The following ADGRV1 variants were observed in gnomAD, a reference collection of about 807,000 sequenced individuals.
ADGRV1 encodes the protein adhesion G protein-coupled receptor V1.
In ADGRV1, 359 loss-of-function variants were observed where a neutral mutation model predicts 596.2. The observed-to-expected ratio is 0.60, with a 90% CI of 0.55 to 0.66. ADGRV1 has a LOEUF of 0.66. Ranked by LOEUF, ADGRV1 falls within the 30% of genes least tolerant of loss-of-function variation. The probability of loss-of-function intolerance (pLI) is 0.00; values close to 1 mark genes in which losing one functional copy is unlikely to be tolerated. For synonymous variants in ADGRV1, 2,681 were observed against 2,679.2 expected (o/e 1.00, Z -0.02); for missense variants, 7,274 against 7,575.6 (o/e 0.96, Z 1.48).
At chr5:91,109,861 G>T (rs1224854316) in intron 87 of ADGRV1, among the ~76,000 whole-genome samples, 1 of 152,174 alleles carries the variant, frequency 6.6e-6, no homozygotes, top group African/African-American at 2.4e-5. Context: ...CCAACAGAAG[G>T]GGGCAACAGT....
At chr5:90,985,185 A>G (rs1780387005) in intron 84 of ADGRV1, among the ~76,000 whole-genome samples, 159 bp from the exon 85 acceptor site, 1 of 152,226 alleles carries the variant, frequency 6.6e-6, no homozygotes, top group Non-Finnish European at 1.5e-5. Flanking sequence ...TGAAATTGTT[A>G]TGAAAGAATG....
rs754406248 is a variant in ADGRV1, at chr5:90,658,212, A to G, written c.4686A>G (p.Arg1562=). Reference sequence around the variant, plus strand: ...TTTCGGAAGAAAATACTACTGCAAGATTAACAATACAAAAAAGTGACAATG... The same window carrying G: ...TTTCGGAAGAAAATACTACTGCAAGGTTAACAATACAAAAAAGTGACAATG... ...ARISEENTTA[R]LTIQKSDNAN... The change falls in exon 21 of 90, where the codon AGA becomes AGG. Residue 1562 remains arginine (R), a synonymous_variant. Coordinates refer to ENST00000405460, the MANE Select transcript of ADGRV1 (RefSeq NM_032119.4). 2 of 1,562,868 alleles carry G rather than the reference A, an allele frequency of 1.3e-6. No homozygotes were observed. Among genetic ancestry groups the G allele is most frequent in the Non-Finnish European group, 1.7e-6 (2 of 1,154,098 alleles).
intron 60 of ADGRV1, among the ~76,000 whole-genome samples, chr5:90,775,800 G>A (rs1461926109): frequency 6.6e-6 from 1 of 152,076 alleles, no homozygotes; most frequent in Non-Finnish European, 1.5e-5. Context: ...CTGTCTGACT[G>A]TGACACTTGC....
In ADGRV1 at chr5:91,111,393, A is replaced by G. The variant is rs549206186; in HGVS notation, c.18432+9053A>G. On this transcript the variant is annotated intron_variant, in intron 87 of 89. Coordinates refer to ENST00000405460, the MANE Select transcript of ADGRV1 (RefSeq NM_032119.4). ...TTTTTGAGGTATCGTAAGAAATGGA[A>G]CGTATTTCTTTGCTCATAGAAAATA... Among the ~76,000 whole-genome samples the G allele has an allele frequency of 2.6e-5, 4 of 152,328 alleles. No individual in the cohort carries two copies. The East Asian group carries it at 7.7e-4, about 29-fold the overall frequency.
chr5:90,868,884 C>T (rs533186082), intron 83 of ADGRV1, among the ~76,000 whole-genome samples: 1 of 152,158 alleles, frequency 6.6e-6, no homozygotes, highest in South Asian at 2.1e-4. Context: ...AGTGACCATT[C>T]AACATTCAAT....
At chr5:90,958,136 T>C (rs1777645787) in intron 83 of ADGRV1, among the ~76,000 whole-genome samples, 1 of 150,750 alleles carries the variant, frequency 6.6e-6, no homozygotes. Context: ...ATAAAAAAAT[T>C]AGACAGGCCA....
At chr5:90,922,369 A>G (rs574919942) in intron 83 of ADGRV1, among the ~76,000 whole-genome samples, 12 of 152,330 alleles carry the variant, frequency 7.9e-5, no homozygotes, top group African/African-American at 1.9e-4. Flanking sequence ...GGGATAAACT[A>G]TATGACATGT....
chr5:90,862,091 G>A (rs1767645795), intron 82 of ADGRV1, among the ~76,000 whole-genome samples: 1 of 152,140 alleles, frequency 6.6e-6, no homozygotes, highest in South Asian at 2.1e-4. Context: ...ATATTTCTAA[G>A]CTGGTCAAAT....
At chr5:91,056,206 G>T (rs922268581) in intron 85 of ADGRV1, among the ~76,000 whole-genome samples, 12 of 152,186 alleles carry the variant, frequency 7.9e-5, no homozygotes, top group African/African-American at 2.9e-4. Flanking sequence ...AATGCCAGCT[G>T]CAGCGTTGCA....
intron 1 of ADGRV1, among the ~76,000 whole-genome samples, chr5:90,592,667 G>T (rs1324266384): frequency 6.6e-6 from 1 of 152,094 alleles, no homozygotes; most frequent in Non-Finnish European, 1.5e-5. Flanking sequence ...GGCAACCTAT[G>T]GAATGGGAGA....
chr5:90,852,657 T>C (rs1488536805), intron 79 of ADGRV1, among the ~76,000 whole-genome samples: 1 of 152,214 alleles, frequency 6.6e-6, no homozygotes, highest in Non-Finnish European at 1.5e-5. Context: ...CCAAGTAATT[T>C]CAATGCACAC....
At chr5:90,996,622 G>T (rs1181217391) in intron 85 of ADGRV1, among the ~76,000 whole-genome samples, 1 of 152,226 alleles carries the variant, frequency 6.6e-6, no homozygotes, top group East Asian at 1.9e-4. Flanking sequence ...ACACTGCCTA[G>T]TGGAGCTGTG....
At chr5:90,819,575 A>C (rs1264370056) in intron 75 of ADGRV1, among the ~76,000 whole-genome samples, 2 of 149,652 alleles carry the variant, frequency 1.3e-5, no homozygotes, top group African/African-American at 5.0e-5. Flanking sequence ...TTCCCTCTAC[A>C]CACTGCTTTG....
In ADGRV1 at chr5:90,628,655, A is replaced by G. The variant is rs756147210; in HGVS notation, c.1332A>G (p.Pro444=). ...CACGGAACAGCACTGATCCCTCACC[A>G]GTAACAGCAGATATCAGACCGAGCT... ...VLTRNSTDPS[P]VTADIRPSSG... is the part of the protein sequence containing the mutation. The change falls in exon 8 of 90, where the codon CCA becomes CCG. Residue 444 remains proline, a synonymous_variant. Transcript: ENST00000405460. 6.2e-7 allele frequency: 1 copy of G among 1,614,044 alleles called. No individual in the cohort carries two copies. The highest frequency in any genetic ancestry group is 8.5e-7 in the Non-Finnish European group (1 of 1,179,892).
intron 87 of ADGRV1, among the ~76,000 whole-genome samples, chr5:91,141,008 A>G (rs1795052961): frequency 6.6e-6 from 1 of 152,224 alleles, no homozygotes; most frequent in Non-Finnish European, 1.5e-5. Context: ...TTTACCACTA[A>G]GAGACTCTAA....
intron 50 of ADGRV1, among the ~76,000 whole-genome samples, chr5:90,739,926 C>G (rs1753745722): frequency 6.6e-6 from 1 of 152,150 alleles, no homozygotes; most frequent in East Asian, 1.9e-4. Flanking sequence ...TCAGATGCTC[C>G]CCTCAGAAGA....
chr5:90,858,423 T>C (rs1328567819), intron 82 of ADGRV1, among the ~76,000 whole-genome samples: 1 of 152,226 alleles, frequency 6.6e-6, no homozygotes, highest in Non-Finnish European at 1.5e-5. Flanking sequence ...AGGCTATTGG[T>C]TATGCTACTG....
intron 83 of ADGRV1, among the ~76,000 whole-genome samples, chr5:90,950,174 T>C (rs1776938107): frequency 6.6e-6 from 1 of 152,202 alleles, no homozygotes; most frequent in Non-Finnish European, 1.5e-5. Context: ...GAATGTCTTA[T>C]TCCCACTTTA....
At chr5:90,604,740 A>G (rs145610657) in intron 1 of ADGRV1, among the ~76,000 whole-genome samples, 1 of 152,090 alleles carries the variant, frequency 6.6e-6, no homozygotes, top group South Asian at 2.1e-4. Flanking sequence ...TTTTTAAAGG[A>G]CCTAAAAGAC....
Sources: allele counts gnomAD v4.1 joint callset (sites outside exome capture counted in the v4.1 genomes callset), GRCh38; gene constraint gnomAD v4.1.1; transcripts MANE v1.5; gene names NCBI Gene and HGNC (gene_info 2026-07-23, HGNC 2026-07-21).